The following ANHX variants were observed in gnomAD, a reference collection of about 807,000 sequenced individuals.
ANHX encodes anomalous homeobox, also known as anomalous homeobox protein.
Under a neutral mutation model 38.9 loss-of-function variants are expected in ANHX, and 20 were observed. That is an observed-to-expected ratio of 0.51 (90% CI 0.36 to 0.75). The LOEUF (loss-of-function observed/expected upper bound fraction) is 0.75, where lower values mean the gene tolerates loss of function less well. ANHX is among the 30% of genes least tolerant of loss of function. ANHX has a pLI of 0.00. For synonymous variants in ANHX, 185 were observed against 203.1 expected (o/e 0.91, Z 0.76); for missense variants, 475 against 493.1 (o/e 0.96, Z 0.35).
chr12:133,230,545 T>C (rs1957255172), intron 3 of ANHX, among the ~76,000 whole-genome samples: 1 of 152,070 alleles, frequency 6.6e-6, no homozygotes, highest in East Asian at 1.9e-4. Flanking sequence ...GGAGAGCACC[T>C]GAGATGAAGA....
intron 5 of ANHX, among the ~76,000 whole-genome samples, 181 bp from the exon 6 acceptor site, chr12:133,226,619 C>A (rs756367482): frequency 6.6e-6 from 1 of 152,224 alleles, no homozygotes; most frequent in African/African-American, 2.4e-5. Flanking sequence ...ACCCAGGACA[C>A]CCCAAATCCC....
Position 133,231,708 on chromosome 12 carries a change from A to C in ANHX, c.250-64T>G. The stretch of plus-strand genomic sequence containing the variant: ...ACCCTGGAGCACTGTTGGGACCTGC[A>C]TCTGCCATCCCAAACCGACTCAGCC... On this transcript the variant is annotated intron_variant, in intron 2 of 9. Coordinates refer to ENST00000545940, the MANE Select transcript of ANHX (RefSeq NM_001372060.1). 2.0e-6 allele frequency: 3 copies of C among 1,522,364 alleles called. No individual in the cohort carries two copies. In the South Asian group the frequency reaches 3.6e-5, roughly 18 times the overall value. 94.3% of individuals were successfully genotyped at this position (1,522,364 alleles called of 1,614,324 possible). A position where few individuals can be genotyped will look rare whatever the true frequency, so the allele number is the denominator to read the frequency against.
chr12:133,220,353 C>G (rs2060566623), intron 8 of ANHX, among the ~76,000 whole-genome samples: 1 of 152,108 alleles, frequency 6.6e-6, no homozygotes, highest in Non-Finnish European at 1.5e-5. Flanking sequence ...TGAGGCGAGA[C>G]ACACAAGGGG....
intron 7 of ANHX, among the ~76,000 whole-genome samples, chr12:133,225,029 C>T (rs1359814137): frequency 6.6e-6 from 1 of 151,888 alleles, no homozygotes. Context: ...GCTCCAGTTT[C>T]CTCCTTACAA....
At chr12:133,219,480 C>A in intron 8 of ANHX, 113 bp from the exon 9 acceptor site, 1 of 687,326 alleles carries the variant, frequency 1.5e-6, no homozygotes, top group South Asian at 1.9e-5. Flanking sequence ...ACTTGACACT[C>A]ATCAGAACAG....
chr12:133,230,753 C>G (rs1957259718), intron 3 of ANHX, among the ~76,000 whole-genome samples: 1 of 93,708 alleles, frequency 1.1e-5, no homozygotes, highest in South Asian at 3.5e-4. Flanking sequence ...AGAGCAAGAC[C>G]CTGTCTCAAT....
intron 2 of ANHX, among the ~76,000 whole-genome samples, chr12:133,232,241 GGACTTTGCTGATGACGGAGGATGC>G (rs2135575381): frequency 2.2e-5 from 1 of 44,678 alleles, no homozygotes; most frequent in African/African-American, 7.6e-5. Flanking sequence ...CCACTTAACT[GGACTTTGCTGATGACGGAGGATGC>G]CTGGTGCTGG....
Position 133,218,922 on chromosome 12 carries a change from C to T in ANHX, c.1415G>A (p.Arg472Lys). The change falls in exon 10 of 10, where the codon AGG (arginine) becomes AAG (lysine). Residue 472 changes from arginine (R) to lysine (K), a missense_variant. Physicochemically the swap from Arg to Lys is conservative, Grantham distance 26. Transcript: ENST00000545940. ...GCTCCCTGAAAACTCAAGGAGCATC[C>T]TGGCTCCCCAGAAGGCATCACCAGA... ...QASGDAFWGA[R>K]MLLEFSGSSL... 1 of 1,533,604 alleles carries T rather than the reference C, an allele frequency of 6.5e-7. No individual in the cohort carries two copies. The highest frequency in any genetic ancestry group is 8.7e-7 in the Non-Finnish European group (1 of 1,145,070). 95.0% of individuals were successfully genotyped at this position (1,533,604 alleles called of 1,614,324 possible). A position where few individuals can be genotyped will look rare whatever the true frequency, so the allele number is the denominator to read the frequency against.
intron 7 of ANHX, among the ~76,000 whole-genome samples, chr12:133,224,869 A>G (rs989977371): frequency 6.7e-6 from 1 of 148,702 alleles, no homozygotes; most frequent in Non-Finnish European, 1.5e-5. Flanking sequence ...CGGGAGGCTG[A>G]GGCAGGAGAA....
At chr12:133,233,592 G>A (rs1028813631) in intron 2 of ANHX, among the ~76,000 whole-genome samples, 4 of 152,148 alleles carry the variant, frequency 2.6e-5, no homozygotes, top group African/African-American at 7.2e-5. Flanking sequence ...GCAGCAAAAC[G>A]TACAGTGGTC....
At chr12:133,230,775 A>G (rs1957260638) in intron 3 of ANHX, among the ~76,000 whole-genome samples, 1 of 150,424 alleles carries the variant, frequency 6.6e-6, no homozygotes, top group Non-Finnish European at 1.5e-5. Context: ...TTTTTTTTAA[A>G]GGCTCCAATT....
rs565731112 is a variant in ANHX, at chr12:133,221,770, C to T, written c.1133-418G>A. On this transcript the variant is annotated intron_variant, in intron 7 of 9. Transcript: ENST00000545940. The surrounding 1 kb of genome is among the most constrained non-coding windows in gnomAD (Gnocchi z 4.1). ...TGGTGGTTTCCACTTTTACCTCTTACTAAGGTTACCAAGATGTCACTGAGG... is the reference window on the plus strand; with the variant it reads ...TGGTGGTTTCCACTTTTACCTCTTATTAAGGTTACCAAGATGTCACTGAGG... Among the ~76,000 whole-genome samples the T allele has an allele frequency of 6.6e-6, 1 of 152,296 alleles. No individual in the cohort carries two copies. Among genetic ancestry groups the T allele is most frequent in the Admixed American group, 6.5e-5 (1 of 15,300 alleles).
At chr12:133,229,712 C>T (rs1049511063) in intron 3 of ANHX, among the ~76,000 whole-genome samples, 6 of 152,298 alleles carry the variant, frequency 3.9e-5, no homozygotes, top group Non-Finnish European at 5.9e-5. Flanking sequence ...GCCATCCCTT[C>T]CTGACACCAC....
intron 3 of ANHX, among the ~76,000 whole-genome samples, chr12:133,231,121 T>C (rs1044045044): frequency 4.6e-5 from 7 of 152,156 alleles, no homozygotes; most frequent in African/African-American, 1.7e-4. Flanking sequence ...TGGGGACACA[T>C]GTTGAGCTGT....
At position 133,221,268 on chromosome 12, in the gene ANHX, C is replaced by G. The variant is rs752342705; in HGVS notation, c.1217G>C (p.Arg406Pro). ...LGTSSGRTEL[R>P]VGSFLVTQPP... The stretch of plus-strand genomic sequence containing the variant: ...CTGTGTCACCAGGAAGCTGCCCACC[C>G]GTAGCTCTGTCCGTCCACTGCTTGT... Residue 406 changes from arginine (R) to proline (P), a missense_variant, in exon 8 of 10, where the codon CGG becomes CCG. By Grantham distance (103) the Arg-to-Pro change is moderately radical. Coordinates refer to ENST00000545940, the MANE Select transcript of ANHX (RefSeq NM_001372060.1). The surrounding 1 kb of genome is among the most constrained non-coding windows in gnomAD (Gnocchi z 4.1). 2 of 1,535,886 alleles carry G rather than the reference C, an allele frequency of 1.3e-6. No homozygotes were observed. Among genetic ancestry groups the G allele is most frequent in the South Asian group, 1.2e-5 (1 of 84,060 alleles).
chr12:133,234,046 T>C, intron 2 of ANHX, 62 bp downstream of exon 2: 1 of 1,504,698 alleles, frequency 6.6e-7, no homozygotes, highest in Non-Finnish European at 8.9e-7. Context: ...CGGAGATGGG[T>C]GGAGGCTGCC....
Position 133,221,077 on chromosome 12 carries a change from G to GT in ANHX, c.1280+127dup. The GT allele has an allele frequency of 7.9e-7, 1 of 1,258,964 alleles. No individual in the cohort carries two copies. The highest frequency in any genetic ancestry group is 1.5e-5 in the African/African-American group (1 of 65,740). 78.0% of individuals were successfully genotyped at this position (1,258,964 alleles called of 1,614,324 possible). On this transcript the variant is annotated intron_variant, in intron 8 of 9. Coordinates refer to ENST00000545940, the MANE Select transcript of ANHX (RefSeq NM_001372060.1). The surrounding 1 kb of genome is among the most constrained non-coding windows in gnomAD (Gnocchi z 4.1). ...GTGTAGGCTTGTGGGGACTGTTACAGTTTTCAGCAATCCAAAGGAGAGGAC... is the reference window on the plus strand; with the variant it reads ...GTGTAGGCTTGTGGGGACTGTTACAGTTTTTCAGCAATCCAAAGGAGAGGAC...
chr12:133,230,762 AT>A (rs367645852), intron 3 of ANHX, among the ~76,000 whole-genome samples: 41,274 of 151,256 alleles, frequency 0.27, 6,482 homozygotes, highest in African/African-American at 0.43. Context: ...CCCTGTCTCA[AT>A]TTTTTTTTTA....
chr12:133,235,554 TCCACCCTCAGCC>T (rs1957361076), intron 1 of ANHX: 1 of 145,972 alleles, frequency 6.9e-6, no homozygotes. Context: ...CCTGGGAGGC[TCCACCCTCAGCC>T]CCACCCCGGC....
Sources: gnomAD v4.1 joint callset for allele counts (sites outside exome capture counted in the v4.1 genomes callset) on GRCh38, gnomAD v4.1.1 for gene constraint, Gnocchi (gnomAD v3.1) non-coding constraint, MANE v1.5 for transcripts, NCBI Gene and HGNC (gene_info 2026-07-23, HGNC 2026-07-21) for gene names.